The following ADORA2B variants were observed in gnomAD, a reference collection of about 807,000 sequenced individuals.
ADORA2B encodes the protein adenosine A2b receptor.
Under a neutral mutation model 20.8 loss-of-function variants are expected in ADORA2B, and 18 were observed. The observed-to-expected ratio is 0.87, with a 90% CI of 0.60 to 1.29. The LOEUF (loss-of-function observed/expected upper bound fraction) is 1.29, where lower values mean the gene tolerates loss of function less well. Among genes scored for constraint, ADORA2B ranks in the 50% most tolerant of loss-of-function variants. ADORA2B has a pLI of 0.00. For synonymous variants in ADORA2B, 179 were observed against 178.3 expected (o/e 1.00, Z -0.03); for missense variants, 441 against 422.7 (o/e 1.04, Z -0.38).
the ADORA2B span, among the ~76,000 whole-genome samples, chr17:15,933,308 T>G: frequency 6.6e-6 from 1 of 152,188 alleles, no homozygotes; most frequent in African/African-American, 2.4e-5. Context: ...TGCATTTCCA[T>G]ATAATTTTTA....
chr17:15,925,991 T>G, the ADORA2B span, among the ~76,000 whole-genome samples: 1 of 151,838 alleles, frequency 6.6e-6, no homozygotes, highest in African/African-American at 2.4e-5. Context: ...AGATTTAGGG[T>G]TAAGGCGAAT....
At chr17:15,926,951 G>A in the ADORA2B span, among the ~76,000 whole-genome samples, 1 of 152,088 alleles carries the variant, frequency 6.6e-6, no homozygotes, top group Non-Finnish European at 1.5e-5. Context: ...AGCCTCGGCA[G>A]CAGAGCAAGA....
At chr17:15,896,969 GGA>G in the ADORA2B span, among the ~76,000 whole-genome samples, 1 of 152,182 alleles carries the variant, frequency 6.6e-6, no homozygotes, top group Non-Finnish European at 1.5e-5. Flanking sequence ...AACCTGCAAG[GGA>G]GAGAGAGCTT....
At chr17:15,932,825 C>T in the ADORA2B span, among the ~76,000 whole-genome samples, 3 of 151,934 alleles carry the variant, frequency 2.0e-5, no homozygotes, top group African/African-American at 7.3e-5. Context: ...CTTATGCCAG[C>T]ACCACATTGT....
chr17:15,867,497 CCCTCT>C, the ADORA2B span, among the ~76,000 whole-genome samples: 1 of 146,602 alleles, frequency 6.8e-6, no homozygotes, highest in Non-Finnish European at 1.5e-5. Flanking sequence ...AGTGAGGAGC[CCCTCT>C]GCCCGGCGGC....
At chr17:15,914,338 A>G in the ADORA2B span, among the ~76,000 whole-genome samples, 1 of 152,204 alleles carries the variant, frequency 6.6e-6, no homozygotes, top group Non-Finnish European at 1.5e-5. Context: ...CTAGGACTAC[A>G]GATGCATGCC....
At chr17:15,909,957 CG>C in the ADORA2B span, among the ~76,000 whole-genome samples, 27 of 152,308 alleles carry the variant, frequency 1.8e-4, no homozygotes, top group African/African-American at 5.8e-4. Context: ...GGATCTGGCC[CG>C]GGTGCCCATC....
chr17:15,871,891 C>T, the ADORA2B span, among the ~76,000 whole-genome samples: 280 of 152,264 alleles, frequency 1.8e-3, 2 homozygotes, highest in African/African-American at 6.3e-3. Flanking sequence ...CTTCATGCTG[C>T]GTCCTGTAGG....
intron 1 of ADORA2B, among the ~76,000 whole-genome samples, chr17:15,964,918 C>T (rs139583606): frequency 2.0e-5 from 3 of 151,438 alleles, no homozygotes; most frequent in Non-Finnish European, 2.9e-5. Context: ...AAAATTAGCC[C>T]GTGTGGCAGC....
chr17:15,945,940 T>A (rs1969799850), intron 1 of ADORA2B, among the ~76,000 whole-genome samples: 1 of 150,270 alleles, frequency 6.7e-6, no homozygotes, highest in South Asian at 2.2e-4. Flanking sequence ...GGCGCGGGAG[T>A]TTTGGTGATC....
At chr17:15,853,119 A>G in the ADORA2B span, among the ~76,000 whole-genome samples, 3 of 152,190 alleles carry the variant, frequency 2.0e-5, no homozygotes, top group Non-Finnish European at 4.4e-5. Context: ...ACTCAAAGGG[A>G]AAAAAGAAAC....
chr17:15,889,927 T>C, the ADORA2B span, among the ~76,000 whole-genome samples: 2 of 129,658 alleles, frequency 1.5e-5, 1 homozygote, highest in Non-Finnish European at 3.3e-5. Flanking sequence ...AAAAATTTTC[T>C]TAGCCTAATT....
the ADORA2B span, among the ~76,000 whole-genome samples, chr17:15,911,691 CAAG>C: frequency 6.6e-6 from 1 of 152,158 alleles, no homozygotes; most frequent in East Asian, 1.9e-4. Context: ...TTTTATAACT[CAAG>C]GAGGTTCCCT....
the ADORA2B span, among the ~76,000 whole-genome samples, chr17:15,919,489 A>T: frequency 2.0e-5 from 3 of 152,198 alleles, no homozygotes; most frequent in African/African-American, 7.2e-5. Flanking sequence ...CCATCATCAG[A>T]TGTTTAACTC....
chr17:15,930,936 C>T, the ADORA2B span, among the ~76,000 whole-genome samples: 1 of 152,212 alleles, frequency 6.6e-6, no homozygotes, highest in Admixed American at 6.5e-5. Flanking sequence ...ACAAGTAAGC[C>T]TAAATTCACT....
chr17:15,892,271 C>T, the ADORA2B span, among the ~76,000 whole-genome samples: 1 of 151,928 alleles, frequency 6.6e-6, no homozygotes, highest in African/African-American at 2.4e-5. Flanking sequence ...CAGGGTCAAG[C>T]GATTCTCCTG....
At chr17:15,961,498 G>A (rs916850376) in intron 1 of ADORA2B, among the ~76,000 whole-genome samples, 4 of 152,192 alleles carry the variant, frequency 2.6e-5, no homozygotes, top group Admixed American at 2.0e-4. Flanking sequence ...CATGGTAAAG[G>A]TTGTGTCTGC....
At chr17:15,939,006 A>C in the ADORA2B span, among the ~76,000 whole-genome samples, 1 of 152,190 alleles carries the variant, frequency 6.6e-6, no homozygotes, top group Non-Finnish European at 1.5e-5. Context: ...CATCAAACAT[A>C]GCAAGTAATT....
chr17:15,926,088 T>G, the ADORA2B span, among the ~76,000 whole-genome samples: 1 of 152,312 alleles, frequency 6.6e-6, no homozygotes, highest in East Asian at 1.9e-4. Context: ...TGGTTGCATT[T>G]GCCTCTGAAT....
Sources: gnomAD v4.1 joint callset for allele counts (sites outside exome capture counted in the v4.1 genomes callset) on GRCh38, gnomAD v4.1.1 for gene constraint, MANE v1.5 for transcripts, NCBI Gene and HGNC (gene_info 2026-07-23, HGNC 2026-07-21) for gene names.